Variants in ANKIB1 observed in about 807,000 individuals in gnomAD.
ANKIB1 encodes the protein ankyrin repeat and IBR domain containing 1, also known as ankyrin repeat and IBR domain-containing protein 1.
A neutral mutation model predicts 122.1 loss-of-function variants in ANKIB1; 43 were observed. The observed-to-expected ratio is 0.35, with a 90% CI of 0.28 to 0.45. The LOEUF is 0.45. Ranked by LOEUF, ANKIB1 falls within the 20% of genes least tolerant of loss-of-function variation. The pLI, the probability that ANKIB1 is intolerant of heterozygous loss-of-function variation, is 1.00. For missense variants in ANKIB1, 992 were observed against 1,329.5 expected (o/e 0.75, Z 3.95); for synonymous variants, 390 against 442.0 (o/e 0.88, Z 1.48).
chr7:92,358,366 C>T (rs1803870115), intron 9 of ANKIB1, among the ~76,000 whole-genome samples: 1 of 152,144 alleles, frequency 6.6e-6, no homozygotes, highest in Admixed American at 6.5e-5. Context: ...CTGTACCAAC[C>T]AGTTATAACA....
chr7:92,298,294 C>A (rs906214010), intron 2 of ANKIB1, among the ~76,000 whole-genome samples: 3 of 151,720 alleles, frequency 2.0e-5, no homozygotes, highest in African/African-American at 7.3e-5. Flanking sequence ...TGATATATTA[C>A]AAAACTCCTA....
At chr7:92,386,358 A>G in intron 11 of ANKIB1, 151 bp from the exon 12 acceptor site, 3 of 745,604 alleles carry the variant, frequency 4.0e-6, no homozygotes, top group Non-Finnish European at 6.0e-6. Flanking sequence ...TCTCCAGAGG[A>G]CACATGAGAA....
intron 2 of ANKIB1, among the ~76,000 whole-genome samples, chr7:92,295,553 G>A (rs1802337610): frequency 2.0e-5 from 3 of 152,068 alleles, no homozygotes. Context: ...AACAGTACTT[G>A]TCAGCTGTCA....
At chr7:92,350,740 C>G (rs572629532) in intron 7 of ANKIB1, among the ~76,000 whole-genome samples, 6 of 152,202 alleles carry the variant, frequency 3.9e-5, no homozygotes, top group Non-Finnish European at 7.4e-5. Flanking sequence ...AGCTGTAGGC[C>G]TAGCTACTCA....
At chr7:92,374,771 A>G (rs942043246) in intron 11 of ANKIB1, among the ~76,000 whole-genome samples, 2 of 152,158 alleles carry the variant, frequency 1.3e-5, no homozygotes, top group Admixed American at 1.3e-4. Flanking sequence ...GGTTTTTTTA[A>G]TGCAGAAATC....
intron 4 of ANKIB1, among the ~76,000 whole-genome samples, chr7:92,322,829 T>C (rs2131952644): frequency 6.6e-6 from 1 of 152,310 alleles, no homozygotes; most frequent in African/African-American, 2.4e-5. Context: ...AATTGTGCCA[T>C]TATTGTAGTT....
At chr7:92,314,417 T>C (rs1281786123) in intron 3 of ANKIB1, among the ~76,000 whole-genome samples, 1 of 152,226 alleles carries the variant, frequency 6.6e-6, no homozygotes, top group Non-Finnish European at 1.5e-5. Context: ...TCCAAAGCAG[T>C]GTTTCTTAAA....
intron 8 of ANKIB1, among the ~76,000 whole-genome samples, chr7:92,352,158 A>G (rs1803679154): frequency 6.6e-6 from 1 of 152,232 alleles, no homozygotes; most frequent in Non-Finnish European, 1.5e-5. Context: ...ACATTGTATG[A>G]GAAAACATTT....
In ANKIB1 at chr7:92,307,676, A is replaced by C. The variant is rs1178003411; in HGVS notation, c.486+20A>C. 1 of 1,432,448 alleles carries C rather than the reference A, an allele frequency of 7.0e-7. No homozygotes were observed. The highest frequency in any genetic ancestry group is 9.2e-7 in the Non-Finnish European group (1 of 1,088,810). The allele number at this position is 1,432,448 out of a possible 1,614,324, so 88.7% of individuals were successfully genotyped here. On this transcript the variant is annotated intron_variant, in intron 3 of 19. Coordinates refer to ENST00000265742, the MANE Select transcript of ANKIB1 (RefSeq NM_019004.2). ...GTAGAGGTAAATTTTTTTTTTTTTTAATATTCTGCATTGTAAAATTTGTAT... is the reference window on the plus strand; with the variant it reads ...GTAGAGGTAAATTTTTTTTTTTTTTCATATTCTGCATTGTAAAATTTGTAT...
chr7:92,381,448 C>T (rs1001215826), intron 11 of ANKIB1, among the ~76,000 whole-genome samples: 1 of 152,204 alleles, frequency 6.6e-6, no homozygotes, highest in Non-Finnish European at 1.5e-5. Flanking sequence ...GTCAGATTCA[C>T]CAATGTTGAA....
intron 3 of ANKIB1, among the ~76,000 whole-genome samples, chr7:92,309,942 A>AAAAAAAAAAAAAAATATATAT (rs1335765681): frequency 2.2e-5 from 2 of 91,788 alleles, no homozygotes; most frequent in Non-Finnish European, 4.1e-5. Context: ...AAAAAAAAAA[A>AAAAAAAAAAAAAAATATATAT]ATATATATAT....
chr7:92,399,431 C>T lies in ANKIB1; in HGVS notation c.*482C>T, dbSNP rs1363394977. ...TCTCTTTGTGCTCTTCCATAACTTA[C>T]TTCCTTTTTGTCTGAGCAATGTGAA... On this transcript the variant is annotated 3_prime_UTR_variant, in exon 20 of 20. Transcript: ENST00000265742. The T allele has an allele frequency of 6.6e-6, 1 of 152,068 alleles. No individual in the cohort carries two copies. The highest frequency in any genetic ancestry group is 2.1e-4 in the South Asian group (1 of 4,832). The allele number at this position is 152,068 out of a possible 1,614,324, so 9.4% of individuals were successfully genotyped here. A position where few individuals can be genotyped will look rare whatever the true frequency, so the allele number is the denominator to read the frequency against.
chr7:92,337,175 T>TA (rs1369339825), intron 5 of ANKIB1, among the ~76,000 whole-genome samples: 1 of 152,222 alleles, frequency 6.6e-6, no homozygotes, highest in African/African-American at 2.4e-5. Flanking sequence ...TACTGTGTAC[T>TA]AAGCAGTAAA....
intron 5 of ANKIB1, among the ~76,000 whole-genome samples, chr7:92,333,421 C>T (rs569222904): frequency 6.6e-6 from 1 of 152,262 alleles, no homozygotes; most frequent in Non-Finnish European, 1.5e-5. Context: ...ATGCTGTATT[C>T]TATCTTTCTA....
intron 10 of ANKIB1, among the ~76,000 whole-genome samples, chr7:92,367,016 T>A (rs2115622650): frequency 6.6e-6 from 1 of 152,078 alleles, no homozygotes; most frequent in Admixed American, 6.5e-5. Flanking sequence ...TGTGAAAAAA[T>A]GTCCTTCCTC....
At chr7:92,308,607 A>G (rs1802616884) in intron 3 of ANKIB1, among the ~76,000 whole-genome samples, 1 of 152,124 alleles carries the variant, frequency 6.6e-6, no homozygotes, top group African/African-American at 2.4e-5. Flanking sequence ...TTTTCCATAT[A>G]TATTTCATGT....
chr7:92,379,622 G>A (rs1585134544), intron 11 of ANKIB1, among the ~76,000 whole-genome samples: 1 of 152,158 alleles, frequency 6.6e-6, no homozygotes, highest in Non-Finnish European at 1.5e-5. Flanking sequence ...ACAACCAGTG[G>A]AGAAACATGA....
chr7:92,284,018 C>T (rs1802063146), intron 1 of ANKIB1, among the ~76,000 whole-genome samples: 2 of 152,294 alleles, frequency 1.3e-5, no homozygotes, highest in Non-Finnish European at 2.9e-5. Context: ...ATCTGCCTGC[C>T]TCGGCCTCCC....
chr7:92,361,377 A>C (rs1393533943), intron 9 of ANKIB1, among the ~76,000 whole-genome samples: 2 of 152,266 alleles, frequency 1.3e-5, no homozygotes, highest in Non-Finnish European at 2.9e-5. Context: ...AAGTAACTAC[A>C]GTAATTCAAC....
Sources: gnomAD v4.1 joint callset for allele counts (sites outside exome capture counted in the v4.1 genomes callset) on GRCh38, gnomAD v4.1.1 for gene constraint, MANE v1.5 for transcripts, NCBI Gene and HGNC (gene_info 2026-07-23, HGNC 2026-07-21) for gene names.